C10orf90: variants seen among roughly 807,000 people sequenced by gnomAD.
The protein encoded by C10orf90 is (E2-independent) E3 ubiquitin-conjugating enzyme FATS.
In C10orf90, 56 loss-of-function variants were observed where a neutral mutation model predicts 62.5. That is an observed-to-expected ratio of 0.90 (90% confidence interval 0.72 to 1.12). The LOEUF is 1.12. C10orf90 is among the 50% of genes most tolerant of loss of function. The probability of loss-of-function intolerance (pLI) is 0.00; values close to 1 mark genes in which losing one functional copy is unlikely to be tolerated. For missense variants in C10orf90, 970 were observed against 880.4 expected (o/e 1.10, Z -1.29); for synonymous variants, 386 against 340.4 (o/e 1.13, Z -1.47).
chr10:126,485,770 C>T (rs1164375608), intron 4 of C10orf90, among the ~76,000 whole-genome samples: 4 of 142,672 alleles, frequency 2.8e-5, no homozygotes, highest in Non-Finnish European at 1.5e-5. Context: ...GAAACCCTAT[C>T]TCTATTAAAA....
At chr10:126,662,044 A>C (rs10751567) in intron 1 of C10orf90, among the ~76,000 whole-genome samples, 70,949 of 151,482 alleles carry the variant, frequency 0.47, 17,260 homozygotes, top group East Asian at 0.58. Context: ...TGGATGACAG[A>C]CATTGTAAAT....
chr10:126,459,021 C>T lies in C10orf90; in HGVS notation c.2188+19G>A, dbSNP rs745788928. Reference sequence around the variant, plus strand: ...CATCCCTGGTCTTTTCCAGTCTCCACAAGCCACCTGCAGCTTACCACTCAG... The same window carrying T: ...CATCCCTGGTCTTTTCCAGTCTCCATAAGCCACCTGCAGCTTACCACTCAG... On this transcript the variant is annotated intron_variant, in intron 7 of 9. Coordinates refer to ENST00000488181, the MANE Select transcript of C10orf90 (RefSeq NM_001350921.2). The T allele has an allele frequency of 1.2e-6, 2 of 1,606,400 alleles. No homozygotes were observed. Among genetic ancestry groups the T allele is most frequent in the Non-Finnish European group, 1.7e-6 (2 of 1,176,380 alleles).
chr10:126,490,028 A>ATTATATATTATATATTATT (rs1244004945), intron 4 of C10orf90, among the ~76,000 whole-genome samples: 1 of 102,592 alleles, frequency 9.7e-6, no homozygotes, highest in African/African-American at 4.9e-5. Context: ...TATAATATAT[A>ATTATATATTATATATTATT]ATATATAATA....
chr10:126,565,299 ATT>A (rs1491495835), intron 2 of C10orf90, among the ~76,000 whole-genome samples: 83 of 66,984 alleles, frequency 1.2e-3, no homozygotes, highest in African/African-American at 5.0e-3. Context: ...ATATATTTAT[ATT>A]ATATATTATA....
intron 4 of C10orf90, among the ~76,000 whole-genome samples, chr10:126,476,065 C>A (rs1041062715): frequency 1.2e-4 from 19 of 152,108 alleles, no homozygotes; most frequent in African/African-American, 4.3e-4. Flanking sequence ...CCCGTCAGAC[C>A]CTCATTTCCA....
At chr10:126,531,274 G>A (rs1245269458) in intron 2 of C10orf90, among the ~76,000 whole-genome samples, 2 of 152,192 alleles carry the variant, frequency 1.3e-5, no homozygotes, top group East Asian at 1.9e-4. Flanking sequence ...CTGCCCAGGG[G>A]ACATTTGGCA....
chr10:126,542,261 G>C (rs1293642645), intron 2 of C10orf90, among the ~76,000 whole-genome samples: 1 of 152,134 alleles, frequency 6.6e-6, no homozygotes, highest in Non-Finnish European at 1.5e-5. Context: ...CCAGCACTTT[G>C]GGAGGTAGAG....
Position 126,453,141 on chromosome 10 carries a change from CTTCCA to C in C10orf90, c.2188+5894_2188+5898del, listed in dbSNP as rs1436732624. The stretch of plus-strand genomic sequence containing the variant: ...TGTTGGAGAAGGAATTCTGCCGTGC[CTTCCA>C]GAGAATTCCATTCCTCTACTCGTGC... On this transcript the variant is annotated intron_variant, in intron 7 of 9. Transcript: ENST00000488181. The surrounding 1 kb of genome is among the most constrained non-coding windows in gnomAD (Gnocchi z 4.9). Among the ~76,000 whole-genome samples, 1 of 152,152 alleles carries C rather than the reference CTTCCA, an allele frequency of 6.6e-6. No individual in the cohort carries two copies. The highest frequency in any genetic ancestry group is 1.5e-5 in the Non-Finnish European group (1 of 68,026).
chr10:126,645,028 G>A (rs889810648), intron 2 of C10orf90, among the ~76,000 whole-genome samples: 13 of 151,378 alleles, frequency 8.6e-5, no homozygotes, highest in Admixed American at 5.9e-4. Context: ...ACCAAACACC[G>A]CATATTCTCA....
chr10:126,471,238 C>T (rs759282837), intron 4 of C10orf90, among the ~76,000 whole-genome samples: 3 of 152,178 alleles, frequency 2.0e-5, no homozygotes, highest in Non-Finnish European at 4.4e-5. Flanking sequence ...GACAGCCAAC[C>T]TGAAAATCAA....
intron 2 of C10orf90, among the ~76,000 whole-genome samples, chr10:126,592,962 A>C (rs1435865734): frequency 6.6e-6 from 1 of 152,208 alleles, no homozygotes; most frequent in African/African-American, 2.4e-5. Flanking sequence ...GATCATTAGA[A>C]ATGCACGTCA....
intron 2 of C10orf90, among the ~76,000 whole-genome samples, chr10:126,618,351 C>A (rs573290728): frequency 6.6e-6 from 1 of 152,254 alleles, no homozygotes; most frequent in South Asian, 2.1e-4. Flanking sequence ...GACATGGAAA[C>A]TCAACCATTG....
At chr10:126,543,043 T>C (rs7079190) in intron 2 of C10orf90, among the ~76,000 whole-genome samples, 2 of 152,176 alleles carry the variant, frequency 1.3e-5, no homozygotes, top group Non-Finnish European at 2.9e-5. Context: ...AAACAATGAA[T>C]TGGTCTCTAA....
chr10:126,538,016 T>C (rs2133963527), intron 2 of C10orf90, among the ~76,000 whole-genome samples: 1 of 152,244 alleles, frequency 6.6e-6, no homozygotes, highest in Admixed American at 6.5e-5. Context: ...ATTGGGGTGA[T>C]TGTATTAGTT....
chr10:126,582,534 C>T (rs755711143), intron 2 of C10orf90, among the ~76,000 whole-genome samples: 37 of 152,036 alleles, frequency 2.4e-4, no homozygotes, highest in Non-Finnish European at 5.3e-4. Context: ...TGGGGAACGG[C>T]GAGAAGGAGT....
intron 2 of C10orf90, among the ~76,000 whole-genome samples, chr10:126,565,788 A>C (rs1024558009): frequency 1.3e-5 from 2 of 152,090 alleles, no homozygotes; most frequent in South Asian, 2.1e-4. Context: ...TCCTCTCTCA[A>C]AGCTCCAGAT....
At chr10:126,573,907 T>A (rs1041271066) in intron 2 of C10orf90, among the ~76,000 whole-genome samples, 1 of 152,170 alleles carries the variant, frequency 6.6e-6, no homozygotes, top group Non-Finnish European at 1.5e-5. Context: ...GAGGTGAAGA[T>A]CAGAGCCTGA....
intron 2 of C10orf90, among the ~76,000 whole-genome samples, chr10:126,634,818 GCCT>G (rs1845917276): frequency 6.6e-6 from 1 of 152,168 alleles, no homozygotes; most frequent in African/African-American, 2.4e-5. Flanking sequence ...ATTTTCCAAA[GCCT>G]CCTATTTTCA....
intron 2 of C10orf90, among the ~76,000 whole-genome samples, chr10:126,600,043 G>A (rs955271572): frequency 1.3e-5 from 2 of 152,254 alleles, no homozygotes; most frequent in African/African-American, 4.8e-5. Context: ...TTCGATTAAA[G>A]CAGAGAGGGC....
Sources: gnomAD v4.1 joint callset for allele counts (sites outside exome capture counted in the v4.1 genomes callset) on GRCh38, gnomAD v4.1.1 for gene constraint, Gnocchi (gnomAD v3.1) non-coding constraint, MANE v1.5 for transcripts, NCBI Gene and HGNC (gene_info 2026-07-23, HGNC 2026-07-21) for gene names.